SCP2: variants seen among roughly 807,000 people sequenced by gnomAD.
SCP2 encodes the protein sterol carrier protein 2.
A neutral mutation model predicts 71.4 loss-of-function variants in SCP2; 48 were observed. That is an observed-to-expected ratio of 0.67 (90% CI 0.53 to 0.86). The LOEUF is 0.86. SCP2 is among the 40% of genes least tolerant of loss of function. The probability of loss-of-function intolerance (pLI) is 0.00; values close to 1 mark genes in which losing one functional copy is unlikely to be tolerated. For missense variants in SCP2, 560 were observed against 655.6 expected, an observed-to-expected ratio of 0.85 and a Z score of 1.59; for synonymous variants, 220 against 218.1, an observed-to-expected ratio of 1.01 and a Z score of -0.08.
chr1:53,027,864 T>G, intron 12 of SCP2, 105 bp from the exon 13 acceptor site: 1 of 680,698 alleles, frequency 1.5e-6, no homozygotes, highest in Non-Finnish European at 2.7e-6. Flanking sequence ...TTGCAACATC[T>G]CTGTTCTTAG....
chr1:52,935,750 C>T (rs1464655183), intron 1 of SCP2, among the ~76,000 whole-genome samples: 1 of 151,984 alleles, frequency 6.6e-6, no homozygotes, highest in Non-Finnish European at 1.5e-5. Flanking sequence ...CCCGTCTGGG[C>T]AACATGGCAA....
rs778950055 is a variant in SCP2, at chr1:53,014,895, G to C, written c.1087G>C (p.Ala363Pro). 1.4e-5 allele frequency: 22 copies of C among 1,612,898 alleles called. No individual in the cohort carries two copies. The highest frequency in any genetic ancestry group is 1.7e-5 in the Non-Finnish European group (20 of 1,179,852). ...CTCTGTGTTCGATTTGTTAGGTCTT[G>C]CTCAGTGTGCAGAACTCTGCTGGCA... ...KGHPLGATGL[A>P]QCAELCWQLR... The change falls in exon 12 of 16, where the codon GCT (alanine) becomes CCT (proline). Residue 363 changes from alanine to proline, a missense_variant. This residue lies in a region of SCP2 where 513 missense variants were observed against 573.1 expected (regional missense o/e 0.90). Transcript: ENST00000371514.
At chr1:53,045,867 C>T (rs540347233) in intron 14 of SCP2, among the ~76,000 whole-genome samples, 211 of 152,316 alleles carry the variant, frequency 1.4e-3, no homozygotes, top group Non-Finnish European at 2.6e-3. Context: ...TCAGCCCCCT[C>T]AGGCCCTTTT....
At chr1:52,953,449 C>T (rs974808891) in intron 4 of SCP2, among the ~76,000 whole-genome samples, 39 of 152,040 alleles carry the variant, frequency 2.6e-4, no homozygotes, top group Non-Finnish European at 4.9e-4. Flanking sequence ...AGGTGATCCT[C>T]CCACCTCAGC....
chr1:52,958,206 A>G (rs927168615), intron 5 of SCP2, among the ~76,000 whole-genome samples: 1 of 149,626 alleles, frequency 6.7e-6, no homozygotes, highest in Non-Finnish European at 1.5e-5. Flanking sequence ...GAGTAGTGTC[A>G]GTCCTTCTGT....
intron 3 of SCP2, among the ~76,000 whole-genome samples, chr1:52,948,930 C>T (rs1263688358): frequency 6.7e-6 from 1 of 148,522 alleles, no homozygotes; most frequent in Non-Finnish European, 1.5e-5. Context: ...CTCTCTGTTT[C>T]CCCCAACCCC....
intron 6 of SCP2, among the ~76,000 whole-genome samples, chr1:52,968,142 A>G (rs1409648535): frequency 6.6e-6 from 1 of 152,100 alleles, no homozygotes; most frequent in Non-Finnish European, 1.5e-5. Flanking sequence ...GCGTTTCTCC[A>G]TGTTGGTCAG....
chr1:52,992,724 A>G (rs566830858), intron 11 of SCP2, among the ~76,000 whole-genome samples: 8 of 152,230 alleles, frequency 5.3e-5, no homozygotes, highest in Non-Finnish European at 1.2e-4. Context: ...TGTAGATTCA[A>G]TTCAGTGTAT....
intron 12 of SCP2, among the ~76,000 whole-genome samples, chr1:53,018,191 ACAAACAAACAG>A (rs1435533739): frequency 1.3e-5 from 2 of 152,344 alleles, no homozygotes; most frequent in Non-Finnish European, 1.5e-5. Flanking sequence ...TTAGGTAGTT[ACAAACAAACAG>A]GAAAAAATTC....
Position 53,012,666 on chromosome 1 carries a change from G to A in SCP2, c.1082-2224G>A, listed in dbSNP as rs369147870. Among the ~76,000 whole-genome samples, 14 of 152,280 alleles carry A rather than the reference G, an allele frequency of 9.2e-5. No homozygotes were observed. The East Asian group carries it at 2.1e-3, about 23-fold the overall frequency. ...ATTATTTCCATGGAATGGTTTTGAA[G>A]GCATTTTAAAGACTCTTCATAACTT... On this transcript the variant is annotated intron_variant, in intron 11 of 15. Transcript: ENST00000371514.
chr1:53,004,856 G>A (rs1660529135), intron 11 of SCP2, among the ~76,000 whole-genome samples: 2 of 152,180 alleles, frequency 1.3e-5, no homozygotes, highest in Admixed American at 1.3e-4. Flanking sequence ...CAAGAGGTTG[G>A]GGAATTCCCT....
chr1:53,024,716 C>T (rs183341959), intron 12 of SCP2, among the ~76,000 whole-genome samples: 20 of 151,728 alleles, frequency 1.3e-4, no homozygotes, highest in Admixed American at 7.9e-4. Context: ...AGTTTACAGG[C>T]GCACACCACA....
intron 11 of SCP2, chr1:52,995,596 A>G: frequency 1.9e-6 from 1 of 513,258 alleles, no homozygotes; most frequent in South Asian, 1.8e-5. Flanking sequence ...TAGGATTTCA[A>G]TGCCAAGAAC....
At chr1:52,931,313 A>C (rs1653128686) in intron 1 of SCP2, among the ~76,000 whole-genome samples, 1 of 152,218 alleles carries the variant, frequency 6.6e-6, no homozygotes, top group Admixed American at 6.5e-5. Flanking sequence ...AAACTTGGAT[A>C]TACTAGGTGC....
At chr1:52,946,250 A>G (rs2150119178) in intron 2 of SCP2, among the ~76,000 whole-genome samples, 1 of 151,572 alleles carries the variant, frequency 6.6e-6, no homozygotes, top group Middle Eastern at 3.4e-3. Context: ...TTTGTTTGAA[A>G]CAGGGTCTGG....
chr1:53,022,449 A>G (rs770251833), intron 12 of SCP2, among the ~76,000 whole-genome samples: 1 of 152,156 alleles, frequency 6.6e-6, no homozygotes. Context: ...GCTATTGATG[A>G]TCAGCATCTT....
intron 1 of SCP2, among the ~76,000 whole-genome samples, chr1:52,939,872 G>A (rs939094942): frequency 1.3e-5 from 2 of 151,962 alleles, no homozygotes; most frequent in Non-Finnish European, 2.9e-5. Context: ...GTTTCATCAT[G>A]TTGACCAGTC....
rs147091035 is a variant in SCP2 at position 52,966,279 on chromosome 1, G to C, written c.523+4650G>C. Reference sequence around the variant, plus strand: ...TTATATGTTGAAAAAGTATCCGTCAGTGTCTATTTTCTTGAGTTTTTTTTT... The same window carrying C: ...TTATATGTTGAAAAAGTATCCGTCACTGTCTATTTTCTTGAGTTTTTTTTT... On this transcript the variant is annotated intron_variant, in intron 6 of 15. Coordinates refer to ENST00000371514, the MANE Select transcript of SCP2 (RefSeq NM_002979.5). Among the ~76,000 whole-genome samples, 10 of 151,672 alleles carry C rather than the reference G, an allele frequency of 6.6e-5. No homozygotes were observed. In the East Asian group the frequency reaches 1.9e-3, roughly 29 times the overall value.
intron 13 of SCP2, among the ~76,000 whole-genome samples, chr1:53,034,030 G>C (rs556374958): frequency 3.3e-5 from 5 of 152,176 alleles, no homozygotes; most frequent in Non-Finnish European, 7.3e-5. Flanking sequence ...TTGGGAGGCC[G>C]AGGTGGGTGG....
Sources: gnomAD v4.1 joint callset for allele counts (sites outside exome capture counted in the v4.1 genomes callset) on GRCh38, gnomAD v4.1.1 for gene constraint, gnomAD v4.1.1 regional missense constraint, MANE v1.5 for transcripts, NCBI Gene and HGNC (gene_info 2026-07-23, HGNC 2026-07-21) for gene names.